Variants in SSPN observed in about 807,000 individuals in gnomAD.
SSPN encodes sarcospan.
A neutral mutation model predicts 19.1 loss-of-function variants in SSPN; 15 were observed. The ratio of observed to expected loss-of-function variants is 0.78; its 90% CI spans 0.52 to 1.21. SSPN has a LOEUF of 1.21. SSPN is among the 50% of genes most tolerant of loss of function. The probability of loss-of-function intolerance (pLI) is 0.00; values close to 1 mark genes in which losing one functional copy is unlikely to be tolerated. For synonymous variants in SSPN, 147 were observed against 140.3 expected (o/e 1.05, Z -0.34); for missense variants, 291 against 314.0 (o/e 0.93, Z 0.55).
At chr12:26,183,204 A>T (rs1360156574) in intron 1 of SSPN, among the ~76,000 whole-genome samples, 1 of 152,236 alleles carries the variant, frequency 6.6e-6, no homozygotes, top group Non-Finnish European at 1.5e-5. Context: ...ATTCAGAATA[A>T]GAACCGCATT....
chr12:26,163,016 CGTGTGTGCTTCAAGACGTGTGT>C (rs1944598595), intron 1 of SSPN, among the ~76,000 whole-genome samples: 1 of 148,172 alleles, frequency 6.7e-6, no homozygotes, highest in South Asian at 2.2e-4. Flanking sequence ...TGCTTCAAGA[CGTGTGTGCTTCAAGACGTGTGT>C]GTGTGTGTGT....
At chr12:26,201,028 T>TATATATTATATATATATATATA (rs1944876117) in intron 1 of SSPN, among the ~76,000 whole-genome samples, 2 of 34,736 alleles carry the variant, frequency 5.8e-5, no homozygotes, top group Non-Finnish European at 9.9e-5. Flanking sequence ...TATATATATA[T>TATATATTATATATATATATATA]ATATATATAT....
intron 1 of SSPN, among the ~76,000 whole-genome samples, chr12:26,219,382 T>G (rs1945094489): frequency 1.3e-5 from 2 of 152,074 alleles, no homozygotes; most frequent in Admixed American, 1.3e-4. Flanking sequence ...CTACCTTTTA[T>G]TCATAATACA....
At chr12:26,201,025 A>ATATATATAT (rs1565685418) in intron 1 of SSPN, among the ~76,000 whole-genome samples, 1 of 57,740 alleles carries the variant, frequency 1.7e-5, no homozygotes, top group African/African-American at 1.0e-4. Context: ...ATATATATAT[A>ATATATATAT]TATATATATA....
intron 1 of SSPN, chr12:26,124,848 G>A: frequency 6.7e-7 from 1 of 1,495,844 alleles, no homozygotes; most frequent in South Asian, 1.1e-5. Context: ...GGGACGGTAG[G>A]CTTGGGAGAC....
At chr12:26,128,808 G>A (rs1944381100) in intron 1 of SSPN, among the ~76,000 whole-genome samples, 1 of 151,972 alleles carries the variant, frequency 6.6e-6, no homozygotes, top group Non-Finnish European at 1.5e-5. Flanking sequence ...ATAGGCGAGG[G>A]GTAGCTGCTT....
chr12:26,191,047 C>G (rs1209770242), upstream of SSPN, among the ~76,000 whole-genome samples: 1 of 152,208 alleles, frequency 6.6e-6, no homozygotes, highest in Non-Finnish European at 1.5e-5. Flanking sequence ...ACTCAGCACA[C>G]TGTTAATGAG....
chr12:26,153,117 C>T (rs1944535258), intron 1 of SSPN, among the ~76,000 whole-genome samples: 1 of 152,222 alleles, frequency 6.6e-6, no homozygotes, highest in East Asian at 1.9e-4. Flanking sequence ...TTGCCCATAT[C>T]ACCACTCTCC....
upstream of SSPN, chr12:26,195,201 C>T (rs186511416): frequency 2.0e-3 from 304 of 154,806 alleles, no homozygotes; most frequent in Non-Finnish European, 3.5e-3. Context: ...TAGAGCCCAG[C>T]AGTGCCTATT....
chr12:26,209,069 A>G lies in SSPN; in HGVS notation c.279+13118A>G, dbSNP rs1463582. Among the ~76,000 whole-genome samples the G allele has an allele frequency of 3.4e-3, 515 of 151,456 alleles. 2 individuals are homozygous for G. Among genetic ancestry groups the G allele is most frequent in the African/African-American group, 0.012 (486 of 41,320 alleles). The stretch of plus-strand genomic sequence containing the variant: ...GTGAATCTTAGCCATTTTCTCTTGC[A>G]TATACACTTTAGAATAGGCTTTTCA... On this transcript the variant is annotated intron_variant, in intron 1 of 2. Transcript: ENST00000242729.
At chr12:26,147,754 A>G (rs966699737) in intron 1 of SSPN, among the ~76,000 whole-genome samples, 2 of 152,148 alleles carry the variant, frequency 1.3e-5, no homozygotes, top group South Asian at 2.1e-4. Flanking sequence ...TTGCTTTTCA[A>G]TTATCAGCCC....
chr12:26,152,256 A>G (rs12322009), intron 1 of SSPN, among the ~76,000 whole-genome samples: 1,588 of 152,328 alleles, frequency 0.01, 26 homozygotes, highest in African/African-American at 0.035. Context: ...GCTTACCATT[A>G]TGTAATATTT....
chr12:26,149,645 G>A (rs1354464024), intron 1 of SSPN, among the ~76,000 whole-genome samples: 2 of 152,174 alleles, frequency 1.3e-5, no homozygotes, highest in African/African-American at 2.4e-5. Context: ...TGCATAATTT[G>A]TACTCAGTAC....
chr12:26,165,690 G>C (rs896673471), intron 1 of SSPN, among the ~76,000 whole-genome samples: 2 of 152,170 alleles, frequency 1.3e-5, no homozygotes, highest in Non-Finnish European at 2.9e-5. Flanking sequence ...AATCAGAGAT[G>C]AGGCACTTTT....
At position 26,195,809 on chromosome 12, in the gene SSPN, C is replaced by G. The variant is rs760403160; in HGVS notation, c.137C>G (p.Thr46Ser). The change falls in exon 1 of 3, where the codon ACC becomes AGC. Residue 46 changes from threonine (T) to serine (S), a missense_variant. This residue lies in a region of SSPN where 139 missense variants were observed against 119.6 expected (regional missense o/e 1.16). Transcript: ENST00000242729. The part of the protein sequence containing the change: ...PKECGEEEPR[T>S]CCGCRFPLLL... ...GAGTGCGGGGAGGAGGAGCCCCGGA[C>G]CTGCTGCGGCTGCCGGTTCCCGCTG... 7 of 1,536,352 alleles carry G rather than the reference C, an allele frequency of 4.6e-6. No individual in the cohort carries two copies. The Admixed American group carries it at 6.0e-5, about 13-fold the overall frequency.
chr12:26,189,854 A>G (rs1208346471), intron 1 of SSPN, among the ~76,000 whole-genome samples: 2 of 152,214 alleles, frequency 1.3e-5, no homozygotes, highest in African/African-American at 2.4e-5. Flanking sequence ...TGTGGAGTTC[A>G]AGGACAGAGT....
chr12:26,196,554 T>C (rs1327943542), intron 1 of SSPN, among the ~76,000 whole-genome samples: 2 of 152,168 alleles, frequency 1.3e-5, no homozygotes, highest in Non-Finnish European at 2.9e-5. Flanking sequence ...ATGGCAGAAG[T>C]ATATTTGGGA....
chr12:26,145,335 G>A lies in SSPN; in HGVS notation c.-31+23183G>A, dbSNP rs145965682. Among the ~76,000 whole-genome samples the A allele has an allele frequency of 4.6e-5, 7 of 152,302 alleles. No individual in the cohort carries two copies. In the South Asian group the frequency reaches 6.2e-4, roughly 14 times the overall value. ...AAGAAAGGCTGGGAAACGACTCTGCGCAGCTCCTCTTGGGGCACTTGGTCA... is the reference window on the plus strand; with the variant it reads ...AAGAAAGGCTGGGAAACGACTCTGCACAGCTCCTCTTGGGGCACTTGGTCA... On this transcript the variant is annotated intron_variant, in intron 1 of 2. Transcript: ENST00000538142.
At chr12:26,166,518 G>A (rs552447877) in intron 1 of SSPN, among the ~76,000 whole-genome samples, 20 of 152,318 alleles carry the variant, frequency 1.3e-4, no homozygotes, top group African/African-American at 3.8e-4. Flanking sequence ...AGTAGGGGTC[G>A]GCAAACTGCA....
Sources: gnomAD v4.1 joint callset for allele counts (sites outside exome capture counted in the v4.1 genomes callset) on GRCh38, gnomAD v4.1.1 for gene constraint, gnomAD v4.1.1 regional missense constraint, MANE v1.5 for transcripts, NCBI Gene and HGNC (gene_info 2026-07-23, HGNC 2026-07-21) for gene names.